The following CDKAL1 variants were observed in gnomAD, a reference collection of about 807,000 sequenced individuals.
CDKAL1 encodes the protein CDKAL1 threonylcarbamoyladenosine tRNA methylthiotransferase.
Under a neutral mutation model 68.2 loss-of-function variants are expected in CDKAL1, and 32 were observed. The observed-to-expected ratio is 0.47, with a 90% CI of 0.35 to 0.63. The LOEUF is 0.63. Among genes scored for constraint, CDKAL1 ranks in the 30% least tolerant of loss-of-function variants. CDKAL1 has a pLI of 0.00. For synonymous variants in CDKAL1, 234 were observed against 244.3 expected (o/e 0.96, Z 0.39); for missense variants, 606 against 696.7 (o/e 0.87, Z 1.47).
intron 9 of CDKAL1, among the ~76,000 whole-genome samples, chr6:20,896,079 CT>C (rs201626326): frequency 2.9e-5 from 4 of 137,936 alleles, no homozygotes; most frequent in Non-Finnish European, 6.3e-5. Flanking sequence ...TTCTTTTTTT[CT>C]TTTTTTTCTT....
chr6:20,548,753 A>G (rs1254472935), intron 4 of CDKAL1, 48 bp downstream of exon 4: 1 of 856,186 alleles, frequency 1.2e-6, no homozygotes, highest in South Asian at 1.6e-5. Flanking sequence ...TTCAGAATTA[A>G]GCTTTTAGAG....
At chr6:20,844,095 CAG>C (rs1778281121) in intron 8 of CDKAL1, among the ~76,000 whole-genome samples, 1 of 152,110 alleles carries the variant, frequency 6.6e-6, no homozygotes, top group Admixed American at 6.5e-5. Flanking sequence ...TGTTTTCACA[CAG>C]AACCAGCAGG....
At chr6:20,988,105 C>T (rs1766575251) in intron 10 of CDKAL1, among the ~76,000 whole-genome samples, 1 of 151,738 alleles carries the variant, frequency 6.6e-6, no homozygotes, top group African/African-American at 2.4e-5. Flanking sequence ...TTTTAAACAT[C>T]TCTAAACTTT....
chr6:21,050,239 A>G (rs1169488058), intron 11 of CDKAL1, among the ~76,000 whole-genome samples: 1 of 152,206 alleles, frequency 6.6e-6, no homozygotes, highest in Non-Finnish European at 1.5e-5. Flanking sequence ...GTATTTTAGC[A>G]TATAGATTTT....
chr6:20,986,283 C>T (rs1766446948), intron 10 of CDKAL1, among the ~76,000 whole-genome samples: 1 of 152,016 alleles, frequency 6.6e-6, no homozygotes, highest in Admixed American at 6.5e-5. Context: ...TTTCATTTTT[C>T]TCAAACTCAC....
intron 12 of CDKAL1, among the ~76,000 whole-genome samples, chr6:21,086,323 A>C (rs562182620): frequency 6.6e-5 from 10 of 152,314 alleles, no homozygotes; most frequent in Admixed American, 6.5e-4. Context: ...GCCTAAAATA[A>C]AGTTCTGAGA....
chr6:20,933,924 C>CTTT (rs398065625), intron 9 of CDKAL1, among the ~76,000 whole-genome samples: 1 of 144,752 alleles, frequency 6.9e-6, no homozygotes, highest in Non-Finnish European at 1.5e-5. Context: ...ATTGTTTAAT[C>CTTT]TTTTTTTTTT....
intron 8 of CDKAL1, among the ~76,000 whole-genome samples, chr6:20,820,791 G>C (rs1240388185): frequency 6.6e-6 from 1 of 152,092 alleles, no homozygotes; most frequent in African/African-American, 2.4e-5. Context: ...CACTGTTTGA[G>C]GTGTTAGGGA....
intron 13 of CDKAL1, among the ~76,000 whole-genome samples, chr6:21,155,267 G>A (rs1215563709): frequency 6.7e-6 from 1 of 149,442 alleles, no homozygotes; most frequent in South Asian, 2.1e-4. Flanking sequence ...TTTTCCCCCC[G>A]AATTATATTA....
chr6:20,658,552 A>T (rs1479614754), intron 5 of CDKAL1, among the ~76,000 whole-genome samples: 2 of 135,088 alleles, frequency 1.5e-5, no homozygotes, highest in African/African-American at 6.3e-5. Context: ...TGTTATTCCT[A>T]TTATGAAAAT....
chr6:20,893,610 A>C (rs559333925), intron 9 of CDKAL1, among the ~76,000 whole-genome samples: 33 of 152,330 alleles, frequency 2.2e-4, no homozygotes, highest in African/African-American at 6.5e-4. Flanking sequence ...AGTATGTAGA[A>C]TATGCAGTGG....
intron 12 of CDKAL1, among the ~76,000 whole-genome samples, chr6:21,096,712 A>G: frequency 1.3e-5 from 2 of 152,352 alleles, no homozygotes; most frequent in South Asian, 4.1e-4. Context: ...ATAAATAAAT[A>G]AATAAAACCA....
chr6:20,755,745 G>A (rs956425551), intron 6 of CDKAL1, among the ~76,000 whole-genome samples: 1 of 152,160 alleles, frequency 6.6e-6, no homozygotes, highest in African/African-American at 2.4e-5. Context: ...GCTGGGACTT[G>A]AGAAAAATTA....
At chr6:21,016,668 CCA>C (rs1487293986) in intron 11 of CDKAL1, among the ~76,000 whole-genome samples, 1 of 149,310 alleles carries the variant, frequency 6.7e-6, no homozygotes, top group Non-Finnish European at 1.5e-5. Context: ...ATCCATCCAT[CCA>C]TCTTACTTCA....
At chr6:21,176,763 T>C (rs1206184525) in intron 13 of CDKAL1, among the ~76,000 whole-genome samples, 1 of 148,614 alleles carries the variant, frequency 6.7e-6, no homozygotes, top group Non-Finnish European at 1.5e-5. Context: ...GGCACGATCT[T>C]GGCTCAGCGC....
At chr6:21,227,709 T>C (rs1779804584) in intron 15 of CDKAL1, among the ~76,000 whole-genome samples, 2 of 152,316 alleles carry the variant, frequency 1.3e-5, no homozygotes, top group East Asian at 1.9e-4. Context: ...GAATCAGTTA[T>C]GTTCAAATAT....
At chr6:20,957,494 G>A (rs985922584) in intron 10 of CDKAL1, among the ~76,000 whole-genome samples, 23 of 152,160 alleles carry the variant, frequency 1.5e-4, no homozygotes, top group African/African-American at 4.8e-4. Flanking sequence ...TTCCTAGATC[G>A]TAGTTGGAGT....
intron 4 of CDKAL1, among the ~76,000 whole-genome samples, chr6:20,593,594 T>C (rs1245159690): frequency 1.4e-5 from 2 of 143,178 alleles, no homozygotes; most frequent in African/African-American, 2.6e-5. Context: ...GTGGTCTATT[T>C]CATTAATCTT....
At chr6:20,788,788 G>A (rs1457290756) in intron 8 of CDKAL1, among the ~76,000 whole-genome samples, 3 of 152,042 alleles carry the variant, frequency 2.0e-5, no homozygotes, top group African/African-American at 7.2e-5. Flanking sequence ...AATTTGCTGG[G>A]ACTAGAATGT....
Sources: gnomAD v4.1 joint callset for allele counts (sites outside exome capture counted in the v4.1 genomes callset) on GRCh38, gnomAD v4.1.1 for gene constraint, MANE v1.5 for transcripts, NCBI Gene and HGNC (gene_info 2026-07-23, HGNC 2026-07-21) for gene names.